The following ERBB4 variants were observed in gnomAD, a reference collection of about 807,000 sequenced individuals.
ERBB4 encodes the protein receptor tyrosine-protein kinase erbB-4.
In ERBB4, 42 loss-of-function variants were observed where a neutral mutation model predicts 158.0. The observed-to-expected ratio is 0.27, with a 90% CI of 0.21 to 0.34. The LOEUF (loss-of-function observed/expected upper bound fraction) is 0.34, where lower values mean the gene tolerates loss of function less well. Among genes scored for constraint, ERBB4 ranks in the 10% least tolerant of loss-of-function variants. ERBB4 has a pLI of 1.00. For synonymous variants in ERBB4, 583 were observed against 558.7 expected, an observed-to-expected ratio of 1.04 and a Z score of -0.61; for missense variants, 1,333 against 1,624.1, an observed-to-expected ratio of 0.82 and a Z score of 3.08.
intron 20 of ERBB4, among the ~76,000 whole-genome samples, chr2:211,466,330 T>C (rs376546497): frequency 2.1e-5 from 3 of 141,940 alleles, no homozygotes; most frequent in African/African-American, 8.4e-5. Flanking sequence ...TCTTTTTGTG[T>C]AGTTTTTTTT....
rs2063735329 is a variant in ERBB4 at position 211,430,890 on chromosome 2, T to C, written c.2643+55A>G. On this transcript the variant is annotated intron_variant, in intron 21 of 27. Coordinates refer to ENST00000342788, the MANE Select transcript of ERBB4 (RefSeq NM_005235.3). ...GTTTCTTGTATAAAATATAAGGAGATAAAAGGATATTATACTATATTTTCA... is the reference window on the plus strand; with the variant it reads ...GTTTCTTGTATAAAATATAAGGAGACAAAAGGATATTATACTATATTTTCA... The C allele has an allele frequency of 2.8e-6, 4 of 1,413,770 alleles. No homozygotes were observed. In the Admixed American group the frequency reaches 5.0e-5, roughly 18 times the overall value. 87.6% of individuals were successfully genotyped at this position (1,413,770 alleles called of 1,614,324 possible). A position where few individuals can be genotyped will look rare whatever the true frequency, so the allele number is the denominator to read the frequency against.
intron 3 of ERBB4, among the ~76,000 whole-genome samples, chr2:211,867,668 T>A (rs1575280808): frequency 1.3e-5 from 2 of 152,296 alleles, no homozygotes; most frequent in Non-Finnish European, 2.9e-5. Context: ...TCCTGGGTGA[T>A]CATCCTGCCT....
chr2:211,983,448 T>C (rs2081858123), intron 2 of ERBB4, among the ~76,000 whole-genome samples: 1 of 152,170 alleles, frequency 6.6e-6, no homozygotes, highest in African/African-American at 2.4e-5. Context: ...GATCATTGTA[T>C]AGCTATAGAG....
At chr2:212,373,766 TATATATCCATGTATATATCCAC>T (rs2090170521) in intron 1 of ERBB4, among the ~76,000 whole-genome samples, 7 of 136,402 alleles carry the variant, frequency 5.1e-5, no homozygotes, top group East Asian at 2.1e-4. Flanking sequence ...TATATCCACG[TATATATCCATGTATATATCCAC>T]GTATATATAT....
At chr2:212,308,074 G>T (rs74436049) in intron 1 of ERBB4, among the ~76,000 whole-genome samples, 20,482 of 150,912 alleles carry the variant, frequency 0.14, 1,478 homozygotes, top group South Asian at 0.23. Flanking sequence ...CAATTTTATA[G>T]AAAAATTGAT....
At chr2:211,507,960 T>C (rs1189326243) in intron 20 of ERBB4, among the ~76,000 whole-genome samples, 1 of 152,138 alleles carries the variant, frequency 6.6e-6, no homozygotes, top group African/African-American at 2.4e-5. Flanking sequence ...GACCCTTTCC[T>C]TACACCTTAT....
intron 3 of ERBB4, among the ~76,000 whole-genome samples, chr2:211,909,342 G>A (rs79986866): frequency 0.016 from 2,462 of 151,524 alleles, 88 homozygotes; most frequent in African/African-American, 0.057. Flanking sequence ...ATATGGTCAC[G>A]TGTTACTTAA....
At chr2:211,394,695 C>G (rs937471010) in intron 25 of ERBB4, among the ~76,000 whole-genome samples, 2 of 152,162 alleles carry the variant, frequency 1.3e-5, no homozygotes, top group Non-Finnish European at 1.5e-5. Flanking sequence ...CTAACTGATT[C>G]TTCAAATGAA....
intron 1 of ERBB4, among the ~76,000 whole-genome samples, chr2:212,390,297 T>C (rs1412186200): frequency 6.6e-6 from 1 of 151,816 alleles, no homozygotes; most frequent in Non-Finnish European, 1.5e-5. Context: ...ATTTTAAGTA[T>C]TATTAAAGAG....
rs1413295054 is a variant in ERBB4, at chr2:211,788,053, A to T, written c.528T>A (p.Thr176=). The T allele has an allele frequency of 6.2e-7, 1 of 1,613,574 alleles. No homozygotes were observed. The highest frequency in any genetic ancestry group is 1.3e-5 in the African/African-American group (1 of 75,054). The change falls in exon 4 of 28, where the codon ACT becomes ACA. Residue 176 remains threonine (T), a synonymous_variant. Coordinates refer to ENST00000342788, the MANE Select transcript of ERBB4 (RefSeq NM_005235.3). ...IVRNPWPSNL[T]LVSTNGSSGC... ...CTGAACTACCATTTGTTGACACAAG[A>T]GTCAAGTTGGAAGGCCATGGGTTCC...
intron 1 of ERBB4, among the ~76,000 whole-genome samples, chr2:212,227,698 T>C (rs2083520234): frequency 6.6e-6 from 1 of 152,190 alleles, no homozygotes; most frequent in South Asian, 2.1e-4. Flanking sequence ...AATGGTGCTA[T>C]GTGCTATTTC....
chr2:211,671,076 AG>A (rs1287737745), intron 14 of ERBB4, among the ~76,000 whole-genome samples: 1 of 152,198 alleles, frequency 6.6e-6, no homozygotes, highest in Non-Finnish European at 1.5e-5. Flanking sequence ...CTATAGGATT[AG>A]GTGAACTAAA....
intron 5 of ERBB4, among the ~76,000 whole-genome samples, chr2:211,732,232 G>C (rs187360375): frequency 1.1e-3 from 173 of 152,054 alleles, no homozygotes; most frequent in Admixed American, 8.1e-3. Context: ...ACAGAGGAAG[G>C]CTTCATCATA....
rs2068735541 is a variant in ERBB4 at position 211,599,513 on chromosome 2, C to CTGTGTGTGTGTGTGTGTGTGTGCGTG, written c.2301+19663_2301+19664insCACGCACACACACACACACACACACA. Among the ~76,000 whole-genome samples the CTGTGTGTGTGTGTGTGTGTGTGCGTG allele has an allele frequency of 2.1e-5, 3 of 140,804 alleles. No homozygotes were observed. The Admixed American group carries it at 2.2e-4, about 10-fold the overall frequency. 92.4% of individuals were successfully genotyped at this position (140,804 alleles called of 152,430 possible). On this transcript the variant is annotated intron_variant, in intron 19 of 27. Coordinates refer to ENST00000342788, the MANE Select transcript of ERBB4 (RefSeq NM_005235.3). The stretch of plus-strand genomic sequence containing the variant: ...ACAGGCTCACAGAAAATAATTTCTT[C>CTGTGTGTGTGTGTGTGTGTGTGCGTG]TGTGTGTGTGTGTGTGTGTGTGTTT...
At chr2:211,394,663 G>A (rs138972263) in intron 25 of ERBB4, among the ~76,000 whole-genome samples, 15 of 152,048 alleles carry the variant, frequency 9.9e-5, no homozygotes, top group East Asian at 5.8e-4. Context: ...AAGCCTTTTC[G>A]ATGTGTAAAT....
intron 1 of ERBB4, among the ~76,000 whole-genome samples, chr2:212,161,888 C>A (rs2081212504): frequency 6.6e-6 from 1 of 151,672 alleles, no homozygotes; most frequent in South Asian, 2.1e-4. Context: ...CTAAAAATTC[C>A]TTATTAATCT....
chr2:211,808,152 T>C lies in ERBB4; in HGVS notation c.422-19993A>G, dbSNP rs1366562065. 2.6e-5 allele frequency among the ~76,000 whole-genome samples: 4 copies of C among 152,364 alleles called. No individual in the cohort carries two copies. In the East Asian group the frequency reaches 7.7e-4, roughly 29 times the overall value. Reference sequence around the variant, plus strand: ...TTAATTAGATCCCATTTGTCAATTTTGGCCTTTATTGCCATTGTTTTTGGT... The same window carrying C: ...TTAATTAGATCCCATTTGTCAATTTCGGCCTTTATTGCCATTGTTTTTGGT... On this transcript the variant is annotated intron_variant, in intron 3 of 27. Coordinates refer to ENST00000342788, the MANE Select transcript of ERBB4 (RefSeq NM_005235.3).
chr2:211,425,647 G>C (rs188225491), intron 22 of ERBB4, among the ~76,000 whole-genome samples: 1 of 151,666 alleles, frequency 6.6e-6, no homozygotes, highest in East Asian at 1.9e-4. Context: ...TTATATTTTA[G>C]AATATTTTAT....
chr2:211,479,847 G>GA (rs1293119907), intron 20 of ERBB4, among the ~76,000 whole-genome samples: 1 of 152,032 alleles, frequency 6.6e-6, no homozygotes, highest in Admixed American at 6.6e-5. Flanking sequence ...TATATGATGA[G>GA]AAAAAAGCTA....
Sources: gnomAD v4.1 joint callset for allele counts (sites outside exome capture counted in the v4.1 genomes callset) on GRCh38, gnomAD v4.1.1 for gene constraint, MANE v1.5 for transcripts, NCBI Gene and HGNC (gene_info 2026-07-23, HGNC 2026-07-21) for gene names.